GCC1: variants seen among roughly 807,000 people sequenced by gnomAD.
The protein encoded by GCC1 is GRIP and coiled-coil domain containing 1.
Under a neutral mutation model 62.5 loss-of-function variants are expected in GCC1, and 36 were observed. The ratio of observed to expected loss-of-function variants is 0.58; its 90% CI spans 0.44 to 0.76. GCC1 has a LOEUF of 0.76. Ranked by LOEUF, GCC1 falls within the 30% of genes least tolerant of loss-of-function variation. The pLI is 0.00. For synonymous variants in GCC1, 391 were observed against 386.8 expected (o/e 1.01, Z -0.13); for missense variants, 885 against 948.3 (o/e 0.93, Z 0.88).
rs894573216 is a variant in GCC1 at position 127,583,041 on chromosome 7, T to C, written c.1301A>G (p.Asp434Gly). Residue 434 changes from aspartate to glycine, a missense_variant, in exon 2 of 2, where the codon GAT becomes GGT. Coordinates refer to ENST00000321407, the MANE Select transcript of GCC1 (RefSeq NM_024523.6). ...ESSLDVNVLK[D>G]KMEKLKRLLQ... ...CAGCCTCTTCAGCTTCTCCATCTTATCTTTCAGGACATTGACATCCAGACT... is the reference window on the plus strand; with the variant it reads ...CAGCCTCTTCAGCTTCTCCATCTTACCTTTCAGGACATTGACATCCAGACT... 4 of 1,613,996 alleles carry C rather than the reference T, an allele frequency of 2.5e-6. No homozygotes were observed. The highest frequency in any genetic ancestry group is 3.4e-6 in the Non-Finnish European group (4 of 1,180,040).
At position 127,585,164 on chromosome 7, in the gene GCC1, TCATCCCAAACTTCTC is replaced by T; in HGVS notation, c.4_18del (p.Glu2_Met6del). The T allele has an allele frequency of 6.2e-7, 1 of 1,603,868 alleles. No homozygotes were observed. Among genetic ancestry groups the T allele is most frequent in the Non-Finnish European group, 8.5e-7 (1 of 1,175,008 alleles). ...TTCTTGCTCGGGCCGCCCCCGAAAT[TCATCCCAAACTTCTC>T]CATGGAGGGTCTGAACGGATTGCCC... On this transcript the variant is annotated inframe_deletion, in exon 1 of 2. Transcript: ENST00000321407.
chr7:127,582,057 C>T lies in GCC1; in HGVS notation c.2285G>A (p.Arg762Gln), dbSNP rs1417365157. Reference sequence around the variant, plus strand: ...CCACCAGCTGGCACTGGTTGGGAGTCGCATTATCACTTGTTTCTCCTCTGG... The same window carrying T: ...CCACCAGCTGGCACTGGTTGGGAGTTGCATTATCACTTGTTTCTCCTCTGG... ...FSPEEKQVIMRLPTSASWWPS... is the reference protein window; with the variant it reads ...FSPEEKQVIMQLPTSASWWPS... Residue 762 changes from arginine to glutamine, a missense_variant, in exon 2 of 2, where the codon CGA (arginine) becomes CAA (glutamine). Transcript: ENST00000321407. This position sits in a 1 kb window ranked among gnomAD's most constrained non-coding sequence, Gnocchi z 4.8. 6.2e-6 allele frequency: 10 copies of T among 1,613,972 alleles called. No individual in the cohort carries two copies. The highest frequency in any genetic ancestry group is 1.3e-5 in the African/African-American group (1 of 74,920).
In GCC1 at chr7:127,584,991, C is replaced by T; in HGVS notation, c.192G>A (p.Glu64=). The T allele has an allele frequency of 1.9e-6, 3 of 1,614,210 alleles. No homozygotes were observed. Among genetic ancestry groups the T allele is most frequent in the South Asian group, 1.1e-5 (1 of 91,090 alleles). The change falls in exon 1 of 2, where the codon GAG becomes GAA. Residue 64 remains glutamate (E), a synonymous_variant. Coordinates refer to ENST00000321407, the MANE Select transcript of GCC1 (RefSeq NM_024523.6). ...ASIKVLSVSH[E]ADVGLAGVQL... ...GGACACCTGCGAGGCCCACATCTGCCTCGTGGGATACCGACAGCACCTTGA... is the reference window on the plus strand; with the variant it reads ...GGACACCTGCGAGGCCCACATCTGCTTCGTGGGATACCGACAGCACCTTGA...
rs1794152735 is a variant in GCC1, at chr7:127,582,695, A to G, written c.1647T>C (p.Ala549=). Residue 549 remains alanine, a synonymous_variant, in exon 2 of 2, where the codon GCT becomes GCC. Coordinates refer to ENST00000321407, the MANE Select transcript of GCC1 (RefSeq NM_024523.6). This position sits in a 1 kb window ranked among gnomAD's most constrained non-coding sequence, Gnocchi z 4.8. The part of the protein sequence containing the change: ...EELEHQHQQE[A]DDWKQELARL... ...GGGCCAGCTCCTGCTTCCAGTCATC[A>G]GCCTCCTGCTGGTGTTGGTGCTCCA... 1.2e-6 allele frequency: 2 copies of G among 1,613,970 alleles called. No individual in the cohort carries two copies. Among genetic ancestry groups the G allele is most frequent in the Non-Finnish European group, 1.7e-6 (2 of 1,180,022 alleles).
In GCC1 at chr7:127,585,444, G is replaced by C. The variant is rs1794191892; in HGVS notation, c.-262C>G. ...CTGGCACCAGAGGTGCGCACTGCCA[G>C]GGCTCGTTAGCGCTGGCCCAGAAGC... On this transcript the variant is annotated 5_prime_UTR_variant, in exon 1 of 2. Coordinates refer to ENST00000321407, the MANE Select transcript of GCC1 (RefSeq NM_024523.6). 4.0e-6 allele frequency: 2 copies of C among 496,796 alleles called. No homozygotes were observed. Among genetic ancestry groups the C allele is most frequent in the African/African-American group, 2.0e-5 (1 of 50,996 alleles). The allele number at this position is 496,796 out of a possible 1,614,324, so 30.8% of individuals were successfully genotyped here.
intron 1 of GCC1, 113 bp downstream of exon 1, chr7:127,584,038 C>T: frequency 1.1e-6 from 1 of 888,584 alleles, no homozygotes; most frequent in Non-Finnish European, 1.7e-6. Flanking sequence ...TCTCAGGTGG[C>T]ATCAAAAATG....
Position 127,582,091 on chromosome 7 carries a change from G to A in GCC1, c.2251C>T (p.His751Tyr), listed in dbSNP as rs1794140357. 6.2e-7 allele frequency: 1 copy of A among 1,614,106 alleles called. No homozygotes were observed. Among genetic ancestry groups the A allele is most frequent in the Non-Finnish European group, 8.5e-7 (1 of 1,180,044 alleles). Residue 751 changes from histidine (H) to tyrosine (Y), a missense_variant, in exon 2 of 2, where the codon CAC (histidine) becomes TAC (tyrosine). His to Tyr is a moderately conservative substitution (Grantham distance 83). Coordinates refer to ENST00000321407, the MANE Select transcript of GCC1 (RefSeq NM_024523.6). This position sits in a 1 kb window ranked among gnomAD's most constrained non-coding sequence, Gnocchi z 4.8. ...QTLTAILTIL[H>Y]FSPEEKQVIM... ...ACTTGTTTCTCCTCTGGACTGAAGTGCAAGATAGTCAGTATGGCTGTGAGA... is the reference window on the plus strand; with the variant it reads ...ACTTGTTTCTCCTCTGGACTGAAGTACAAGATAGTCAGTATGGCTGTGAGA...
In GCC1 at chr7:127,585,207, C is replaced by T. The variant is rs759685299; in HGVS notation, c.-25G>A. ...TGGAGGGTCTGAACGGATTGCCCCACGTCAGCTTTCCAGCAGAACGGGAGA... is the reference window on the plus strand; with the variant it reads ...TGGAGGGTCTGAACGGATTGCCCCATGTCAGCTTTCCAGCAGAACGGGAGA... On this transcript the variant is annotated 5_prime_UTR_variant, in exon 1 of 2. The change creates a new upstream start codon in the 5' untranslated region. Coordinates refer to ENST00000321407, the MANE Select transcript of GCC1 (RefSeq NM_024523.6). The T allele has an allele frequency of 6.5e-7, 1 of 1,544,676 alleles. No individual in the cohort carries two copies.
rs755058694 is a variant in GCC1 at position 127,583,094 on chromosome 7, G to C, written c.1248C>G (p.Ser416=). Residue 416 remains serine (S), a synonymous_variant, in exon 2 of 2, where the codon TCC becomes TCG. Coordinates refer to ENST00000321407, the MANE Select transcript of GCC1 (RefSeq NM_024523.6). ...KTLALAASSR[S]PLDSHGEESS... ...ACTCCTCTCCATGGCTGTCTAAAGG[G>C]GACCTGCTGGAGGCTGCTAGAGCCA... 6.2e-7 allele frequency: 1 copy of C among 1,614,044 alleles called. No individual in the cohort carries two copies. The highest frequency in any genetic ancestry group is 1.1e-5 in the South Asian group (1 of 91,070).
chr7:127,583,216 G>A lies in GCC1; in HGVS notation c.1126C>T (p.Leu376=), dbSNP rs200831840. The change falls in exon 2 of 2, where the codon CTG becomes TTG. Residue 376 remains leucine, a synonymous_variant. Coordinates refer to ENST00000321407, the MANE Select transcript of GCC1 (RefSeq NM_024523.6). ...TTGGCTTTCTCGTAGGTGCCTAGCA[G>A]CTCAGACACCTCGGATATTTGATTC... The part of the protein sequence containing the change: ...LENQISEVSE[L]LGTYEKAKQK... 4 of 1,613,786 alleles carry A rather than the reference G, an allele frequency of 2.5e-6. No individual in the cohort carries two copies. Among genetic ancestry groups the A allele is most frequent in the East Asian group, 2.2e-5 (1 of 44,852 alleles).
rs1562951764 is a variant in GCC1 at position 127,582,475 on chromosome 7, C to A, written c.1867G>T (p.Gly623Cys). The change falls in exon 2 of 2, where the codon GGT (glycine) becomes TGT (cysteine). Residue 623 changes from glycine to cysteine, a missense_variant. Transcript: ENST00000321407. This position sits in a 1 kb window ranked among gnomAD's most constrained non-coding sequence, Gnocchi z 4.8. ...SGLPGRRSPV[G>C]GGGPGDPADT... ...GCTGGGTCCCCAGGACCGCCACCACCCACAGGACTTCTGCGTCCTGGCAGC... is the reference window on the plus strand; with the variant it reads ...GCTGGGTCCCCAGGACCGCCACCACACACAGGACTTCTGCGTCCTGGCAGC... 1 of 1,614,042 alleles carries A rather than the reference C, an allele frequency of 6.2e-7. No individual in the cohort carries two copies. The highest frequency in any genetic ancestry group is 1.7e-5 in the Admixed American group (1 of 60,012).
rs1191137292 is a variant in GCC1 at position 127,581,057 on chromosome 7, C to T, written c.*957G>A. The stretch of plus-strand genomic sequence containing the variant: ...ACTTCCCTGTGAGAGCTACAGCAAT[C>T]TTTTGGAATTTTCTGCAGCAAATTT... On this transcript the variant is annotated 3_prime_UTR_variant, in exon 2 of 2. Coordinates refer to ENST00000321407, the MANE Select transcript of GCC1 (RefSeq NM_024523.6). 6.6e-6 allele frequency: 1 copy of T among 152,204 alleles called. No individual in the cohort carries two copies. Among genetic ancestry groups the T allele is most frequent in the East Asian group, 1.9e-4 (1 of 5,200 alleles). 9.4% of individuals were successfully genotyped at this position (152,204 alleles called of 1,614,324 possible).
chr7:127,584,232 A>G lies in GCC1; in HGVS notation c.951T>C (p.Asp317=), dbSNP rs3735642. ...QAIRDEKNQP[D]PRLQELQEEA... ...CTTCCTGAAGTTCTTGCAGCCGGGG[A>G]TCTGGCTGATTCTTCTCATCTCGAA... The change falls in exon 1 of 2, where the codon GAT becomes GAC. Residue 317 remains aspartate, a synonymous_variant. Coordinates refer to ENST00000321407, the MANE Select transcript of GCC1 (RefSeq NM_024523.6). 0.23 allele frequency: 366,448 copies of G among 1,612,852 alleles called. 48,080 individuals carry two copies. The highest frequency in any genetic ancestry group is 0.7 in the East Asian group (31,568 of 44,822).
Position 127,581,503 on chromosome 7 carries a change from G to GA in GCC1, c.*510dup, listed in dbSNP as rs1432962707. The GA allele has an allele frequency of 1.3e-5, 2 of 157,566 alleles. No individual in the cohort carries two copies. Among genetic ancestry groups the GA allele is most frequent in the Admixed American group, 1.2e-4 (2 of 16,336 alleles). 9.8% of individuals were successfully genotyped at this position (157,566 alleles called of 1,614,324 possible). A position where few individuals can be genotyped will look rare whatever the true frequency, so the allele number is the denominator to read the frequency against. ...TATTCCTTAGCCCTTGGGACTAGTG[G>GA]ATGATATGTCACTATTTCAAACTTC... On this transcript the variant is annotated 3_prime_UTR_variant, in exon 2 of 2. Coordinates refer to ENST00000321407, the MANE Select transcript of GCC1 (RefSeq NM_024523.6).
intron 1 of GCC1, 94 bp downstream of exon 1, chr7:127,584,057 G>A (rs867043305): frequency 7.2e-6 from 8 of 1,104,970 alleles, no homozygotes; most frequent in Non-Finnish European, 1.0e-5. Context: ...TGACAGTATA[G>A]ACACTTAGCT....
Sources: gnomAD v4.1 joint callset for allele counts on GRCh38, gnomAD v4.1.1 for gene constraint, Gnocchi (gnomAD v3.1) non-coding constraint, MANE v1.5 for transcripts, NCBI Gene and HGNC (gene_info 2026-07-23, HGNC 2026-07-21) for gene names.